Variants in SRSF6 observed in about 807,000 individuals in gnomAD.
The protein encoded by SRSF6 is serine and arginine rich splicing factor 6.
In SRSF6, 17 loss-of-function variants were observed where a neutral mutation model predicts 42.0. The ratio of observed to expected loss-of-function variants is 0.40; its 90% confidence interval spans 0.28 to 0.61. The LOEUF (loss-of-function observed/expected upper bound fraction) is 0.61. Ranked by LOEUF, SRSF6 falls within the 20% of genes least tolerant of loss-of-function variation. SRSF6 has a pLI of 0.37. For synonymous variants in SRSF6, 204 were observed against 166.7 expected, an observed-to-expected ratio of 1.22 and a Z score of -1.72; for missense variants, 379 against 471.4, an observed-to-expected ratio of 0.80 and a Z score of 1.81.
intron 2 of SRSF6, 118 bp from the exon 3 acceptor site, chr20:43,459,653 A>G (rs1038249129): frequency 6.0e-6 from 9 of 1,509,858 alleles, no homozygotes; most frequent in African/African-American, 5.6e-5. Context: ...AGGTTTAGCA[A>G]TATAATAGCA....
At position 43,458,472 on chromosome 20, in the gene SRSF6, G is replaced by A. The variant is rs750442998; in HGVS notation, c.219G>A (p.Pro73=). Residue 73 remains proline (P), a synonymous_variant, in exon 2 of 6, where the codon CCG becomes CCA. Coordinates refer to ENST00000244020, the MANE Select transcript of SRSF6 (RefSeq NM_006275.6). ...TGATCGTAGAGCACGCCCGGGGCCC[G>A]CGTCGCGATCGCGACGGCTACAGCT... ...ERVIVEHARG[P]RRDRDGYSYG... is the part of the protein sequence containing the mutation. The A allele has an allele frequency of 1.3e-6, 2 of 1,515,550 alleles. No individual in the cohort carries two copies. The highest frequency in any genetic ancestry group is 4.2e-5 in the Admixed American group (2 of 48,048). 93.9% of individuals were successfully genotyped at this position (1,515,550 alleles called of 1,614,324 possible).
chr20:43,457,956 C>T lies in SRSF6; in HGVS notation c.-78C>T. The T allele has an allele frequency of 8.0e-7, 1 of 1,253,706 alleles. No individual in the cohort carries two copies. Among genetic ancestry groups the T allele is most frequent in the Admixed American group, 1.9e-5 (1 of 51,536 alleles). The allele number at this position is 1,253,706 out of a possible 1,614,324, so 77.7% of individuals were successfully genotyped here. Reference sequence around the variant, plus strand: ...AGGCGCGTGTTCGGGCTCTTGCCGTCCCCGCACCCGCACCGCGGTTACTGG... The same window carrying T: ...AGGCGCGTGTTCGGGCTCTTGCCGTTCCCGCACCCGCACCGCGGTTACTGG... On this transcript the variant is annotated 5_prime_UTR_variant, in exon 1 of 6. Coordinates refer to ENST00000244020, the MANE Select transcript of SRSF6 (RefSeq NM_006275.6).
In SRSF6 at chr20:43,458,003, A is replaced by G; in HGVS notation, c.-31A>G. ...CTGGCTTGCGGTCCGCCGTTCGACA[A>G]CCAGCCCTTGGGTCCCCGCCCGCCA... On this transcript the variant is annotated 5_prime_UTR_variant, in exon 1 of 6. Coordinates refer to ENST00000244020, the MANE Select transcript of SRSF6 (RefSeq NM_006275.6). 3 of 1,585,904 alleles carry G rather than the reference A, an allele frequency of 1.9e-6. No homozygotes were observed. The highest frequency in any genetic ancestry group is 2.1e-4 in the Middle Eastern group (1 of 4,726).
Position 43,461,106 on chromosome 20 carries a change from A to G in SRSF6, c.*43A>G, listed in dbSNP as rs567752099. 4 of 1,511,682 alleles carry G rather than the reference A, an allele frequency of 2.6e-6. No homozygotes were observed. Among genetic ancestry groups the G allele is most frequent in the Non-Finnish European group, 3.5e-6 (4 of 1,131,934 alleles). 93.6% of individuals were successfully genotyped at this position (1,511,682 alleles called of 1,614,324 possible). On this transcript the variant is annotated 3_prime_UTR_variant, in exon 6 of 6. Transcript: ENST00000244020. ...GCACATTATTATGGAACACTTTCCT[A>G]CTTAGGCAGTTACTCTTCCATGTTT...
rs141371836 is a variant in SRSF6 at position 43,460,726 on chromosome 20, G to A, written c.698G>A (p.Arg233Gln). 49 of 1,613,472 alleles carry A rather than the reference G, an allele frequency of 3.0e-5. No homozygotes were observed. The highest frequency in any genetic ancestry group is 2.8e-4 in the Admixed American group (17 of 59,968). ...RSRSRSRSKG[R>Q]SRSRSKGRKS... ...AGTTCCAGGTCGCGGAGCAAAGGTC[G>A]ATCACGTTCTCGATCAAAAGGCAGG... is the stretch of plus-strand genomic sequence containing the variant. Residue 233 changes from arginine to glutamine, a missense_variant, in exon 6 of 6, where the codon CGA (arginine) becomes CAA (glutamine). Arg to Gln is a conservative substitution (Grantham distance 43). Around this residue, in one of 3 missense-constraint regions of SRSF6, gnomAD observed 219 missense variants for 216.1 expected, o/e 1.01. Coordinates refer to ENST00000244020, the MANE Select transcript of SRSF6 (RefSeq NM_006275.6).
Position 43,457,930 on chromosome 20 carries a change from G to A in SRSF6, c.-104G>A, listed in dbSNP as rs902960603. ...CTGGACTCGGCCGCCCCTGTGGTGT[G>A]AGGCGCGTGTTCGGGCTCTTGCCGT... On this transcript the variant is annotated 5_prime_UTR_variant, in exon 1 of 6. Coordinates refer to ENST00000244020, the MANE Select transcript of SRSF6 (RefSeq NM_006275.6). The A allele has an allele frequency of 1.0e-6, 1 of 954,482 alleles. No individual in the cohort carries two copies. The highest frequency in any genetic ancestry group is 1.7e-5 in the African/African-American group (1 of 59,896). The allele number at this position is 954,482 out of a possible 1,614,324, so 59.1% of individuals were successfully genotyped here.
chr20:43,459,286 A>G (rs2017548047), intron 2 of SRSF6: 1 of 1,352,152 alleles, frequency 7.4e-7, no homozygotes, highest in Non-Finnish European at 9.8e-7. Flanking sequence ...CCATGACGAC[A>G]GCAGCCTTTT....
At position 43,461,310 on chromosome 20, in the gene SRSF6, T is replaced by C. The variant is rs920762395; in HGVS notation, c.*247T>C. On this transcript the variant is annotated 3_prime_UTR_variant, in exon 6 of 6. Coordinates refer to ENST00000244020, the MANE Select transcript of SRSF6 (RefSeq NM_006275.6). ...TATAGCTTTTGAGCTAACGTAACTT[T>C]TGTAAAGATTAAGCTCATTTAGTGT... The C allele has an allele frequency of 1.9e-5, 5 of 263,266 alleles. 1 individual carries two copies. The highest frequency in any genetic ancestry group is 7.1e-5 in the African/African-American group (3 of 42,088). The allele number at this position is 263,266 out of a possible 1,614,324, so 16.3% of individuals were successfully genotyped here. A position where few individuals can be genotyped will look rare whatever the true frequency, so the allele number is the denominator to read the frequency against.
intron 2 of SRSF6, among the ~76,000 whole-genome samples, chr20:43,458,939 CTTGAT>C (rs1239788858): frequency 3.9e-5 from 6 of 152,154 alleles, no homozygotes; most frequent in Non-Finnish European, 7.4e-5. Context: ...AGCTATGGAA[CTTGAT>C]GGGGGCCAAA....
At position 43,460,786 on chromosome 20, in the gene SRSF6, C is replaced by G. The variant is rs1387131198; in HGVS notation, c.758C>G (p.Ser253Cys). 5 of 1,614,172 alleles carry G rather than the reference C, an allele frequency of 3.1e-6. No individual in the cohort carries two copies. The South Asian group carries it at 5.5e-5, about 18-fold the overall frequency. Residue 253 changes from serine (S) to cysteine (C), a missense_variant, in exon 6 of 6, where the codon TCT becomes TGT. Ser to Cys is a moderately radical substitution (Grantham distance 112). Coordinates refer to ENST00000244020, the MANE Select transcript of SRSF6 (RefSeq NM_006275.6). ...SRSKSKSKPK[S>C]DRGSHSHSRS... is the part of the protein sequence containing the mutation. ...TCAAAGAGCAAATCTAAGCCCAAGT[C>G]TGATCGGGGCTCCCATTCACATTCT...
chr20:43,460,089 A>G lies in SRSF6; in HGVS notation c.438A>G (p.Thr146=). The change falls in exon 4 of 6, where the codon ACA becomes ACG. Residue 146 remains threonine, a synonymous_variant. Coordinates refer to ENST00000244020, the MANE Select transcript of SRSF6 (RefSeq NM_006275.6). ...VTYADAHKER[T]NEGVIEFRSY... ...ATGCGGATGCCCACAAGGAACGAAC[A>G]AATGAGGGTGTAATTGAGTTTCGCT... 1.2e-6 allele frequency: 2 copies of G among 1,614,258 alleles called. No individual in the cohort carries two copies. Among genetic ancestry groups the G allele is most frequent in the Non-Finnish European group, 1.7e-6 (2 of 1,180,046 alleles).
chr20:43,457,896 A>T lies in SRSF6; in HGVS notation c.-138A>T, dbSNP rs902930566. The T allele has an allele frequency of 3.2e-6, 2 of 615,922 alleles. No individual in the cohort carries two copies. The highest frequency in any genetic ancestry group is 6.3e-5 in the Admixed American group (2 of 31,520). The allele number at this position is 615,922 out of a possible 1,614,324, so 38.2% of individuals were successfully genotyped here. A position where few individuals can be genotyped will look rare whatever the true frequency, so the allele number is the denominator to read the frequency against. On this transcript the variant is annotated 5_prime_UTR_variant, in exon 1 of 6. Transcript: ENST00000244020. Reference sequence around the variant, plus strand: ...CGAAAGCCTGGCGCGCGCGCGCGCCATTGTGTGGCTGGACTCGGCCGCCCC... The same window carrying T: ...CGAAAGCCTGGCGCGCGCGCGCGCCTTTGTGTGGCTGGACTCGGCCGCCCC...
At chr20:43,459,466 A>C (rs1421048543) in intron 2 of SRSF6, 1 of 1,256,482 alleles carries the variant, frequency 8.0e-7, no homozygotes, top group East Asian at 4.5e-5. Flanking sequence ...TAAAATGTAG[A>C]AATGCATGTA....
chr20:43,460,479 A>T lies in SRSF6; in HGVS notation c.591-36A>T, dbSNP rs1469448724. The stretch of plus-strand genomic sequence containing the variant: ...GATGGCACGGATGTATTTAAGTTGG[A>T]TTGGGATTAAGACTTCATTGTTTTT... On this transcript the variant is annotated intron_variant, in intron 4 of 5. Coordinates refer to ENST00000244020, the MANE Select transcript of SRSF6 (RefSeq NM_006275.6). The T allele has an allele frequency of 6.2e-6, 10 of 1,602,704 alleles. No individual in the cohort carries two copies. In the African/African-American group the frequency reaches 1.2e-4, roughly 19 times the overall value.
At position 43,459,911 on chromosome 20, in the gene SRSF6, C is replaced by A; in HGVS notation, c.381+16C>A. ...AGATTTAAAGGTATGTTTTGTAATT[C>A]AAGATAGAAATGATATGACTAATGC... On this transcript the variant is annotated intron_variant, in intron 3 of 5. Coordinates refer to ENST00000244020, the MANE Select transcript of SRSF6 (RefSeq NM_006275.6). 1 of 1,599,060 alleles carries A rather than the reference C, an allele frequency of 6.3e-7. No individual in the cohort carries two copies. The highest frequency in any genetic ancestry group is 8.5e-7 in the Non-Finnish European group (1 of 1,173,742).
chr20:43,461,337 GTTTTTTTTTTTTTTTTTTTTTTT>G lies in SRSF6; in HGVS notation c.*289_*311del, dbSNP rs57110045. The G allele has an allele frequency of 6.9e-5, 3 of 43,786 alleles. No homozygotes were observed. Among genetic ancestry groups the G allele is most frequent in the East Asian group, 8.6e-4 (1 of 1,160 alleles). The allele number at this position is 43,786 out of a possible 1,614,324, so 2.7% of individuals were successfully genotyped here. A position where few individuals can be genotyped will look rare whatever the true frequency, so the allele number is the denominator to read the frequency against. On this transcript the variant is annotated 3_prime_UTR_variant, in exon 6 of 6. Coordinates refer to ENST00000244020, the MANE Select transcript of SRSF6 (RefSeq NM_006275.6). ...GTAAAGATTAAGCTCATTTAGTGTT[GTTTTTTTTTTTTTTTTTTTTTTT>G]TTTTTTTTTTTTTTAGTATTTCAGC... is the stretch of plus-strand genomic sequence containing the variant.
intron 2 of SRSF6, 139 bp from the exon 3 acceptor site, chr20:43,459,632 A>G (rs2017551917): frequency 2.8e-6 from 4 of 1,412,850 alleles, no homozygotes; most frequent in Non-Finnish European, 3.9e-6. Context: ...GGCAAATCAC[A>G]AATGTGTCGA....
rs1246632455 is a variant in SRSF6 at position 43,462,075 on chromosome 20, A to AT, written c.*1012_*1013insT. ...TGTTTAACAGGCACTTAATCTCAGT[A>AT]AAGTCAGTTGCCAGTTAAGTTCCAC... is the stretch of plus-strand genomic sequence containing the variant. On this transcript the variant is annotated 3_prime_UTR_variant, in exon 6 of 6. Coordinates refer to ENST00000244020, the MANE Select transcript of SRSF6 (RefSeq NM_006275.6). 6.6e-6 allele frequency: 1 copy of AT among 152,250 alleles called. No homozygotes were observed. Among genetic ancestry groups the AT allele is most frequent in the Non-Finnish European group, 1.5e-5 (1 of 68,046 alleles). The allele number at this position is 152,250 out of a possible 1,614,324, so 9.4% of individuals were successfully genotyped here.
chr20:43,459,024 T>C, intron 2 of SRSF6: 1 of 731,104 alleles, frequency 1.4e-6, no homozygotes, highest in Non-Finnish European at 2.0e-6. Context: ...ATGCTGTATT[T>C]GAACTAATTG....
Sources: gnomAD v4.1 joint callset for allele counts (sites outside exome capture counted in the v4.1 genomes callset) on GRCh38, gnomAD v4.1.1 for gene constraint, gnomAD v4.1.1 regional missense constraint, MANE v1.5 for transcripts, NCBI Gene and HGNC (gene_info 2026-07-23, HGNC 2026-07-21) for gene names.